The following INPP4B variants were observed in gnomAD, a reference collection of about 807,000 sequenced individuals.
INPP4B encodes inositol polyphosphate 4-phosphatase type II.
INPP4B carries 55 observed loss-of-function variants against 122.5 expected under a neutral mutation model. The ratio of observed to expected loss-of-function variants is 0.45; its 90% CI spans 0.36 to 0.56. INPP4B has a LOEUF of 0.56. Ranked by LOEUF, INPP4B falls within the 20% of genes least tolerant of loss-of-function variation. The probability of loss-of-function intolerance (pLI) is 0.00; values close to 1 mark genes in which losing one functional copy is unlikely to be tolerated. For missense variants in INPP4B, 1,000 were observed against 1,097.7 expected, an observed-to-expected ratio of 0.91 and a Z score of 1.26; for synonymous variants, 403 against 388.7, an observed-to-expected ratio of 1.04 and a Z score of -0.43.
intron 15 of INPP4B, among the ~76,000 whole-genome samples, chr4:142,191,801 C>G (rs1835946095): frequency 6.6e-6 from 1 of 151,498 alleles, no homozygotes; most frequent in Non-Finnish European, 1.5e-5. Flanking sequence ...AAAAAGCAAA[C>G]AAAAATGAAC....
Position 142,579,480 on chromosome 4 carries a change from T to C in INPP4B, c.-190-116754A>G, listed in dbSNP as rs1734542629. On this transcript the variant is annotated intron_variant, in intron 2 of 25. Transcript: ENST00000262992. ...AGTTAAATATTATTCTGGGTGTTTCTATACAGCTGGCTTTTGATGAGATTA... is the reference window on the plus strand; with the variant it reads ...AGTTAAATATTATTCTGGGTGTTTCCATACAGCTGGCTTTTGATGAGATTA... 2.6e-5 allele frequency among the ~76,000 whole-genome samples: 4 copies of C among 152,042 alleles called. No individual in the cohort carries two copies. In the South Asian group the frequency reaches 8.3e-4, roughly 31 times the overall value.
chr4:142,824,962 A>T (rs1411310051), intron 1 of INPP4B, among the ~76,000 whole-genome samples: 1 of 152,054 alleles, frequency 6.6e-6, no homozygotes, highest in Non-Finnish European at 1.5e-5. Context: ...CTTTGGCACT[A>T]GAGAATTTAA....
intron 7 of INPP4B, among the ~76,000 whole-genome samples, chr4:142,318,184 C>A (rs2151377372): frequency 6.6e-6 from 1 of 151,338 alleles, no homozygotes; most frequent in East Asian, 2.0e-4. Context: ...AGTACGTGAC[C>A]CAGAGAGAGA....
chr4:142,252,263 A>C (rs1239669809), intron 11 of INPP4B, among the ~76,000 whole-genome samples: 2 of 141,154 alleles, frequency 1.4e-5, no homozygotes, highest in African/African-American at 5.4e-5. Flanking sequence ...ATCTCGGCTC[A>C]CTGCAAGCTC....
chr4:142,257,493 C>T, intron 11 of INPP4B, among the ~76,000 whole-genome samples: 1 of 152,082 alleles, frequency 6.6e-6, no homozygotes, highest in East Asian at 1.9e-4. Flanking sequence ...AGCTGATAAG[C>T]AACTTCAGCA....
chr4:142,773,891 T>G (rs1489387306), intron 1 of INPP4B, among the ~76,000 whole-genome samples: 1 of 152,150 alleles, frequency 6.6e-6, no homozygotes, highest in East Asian at 1.9e-4. Context: ...TGGATAACAG[T>G]AGCGCTGCCT....
At chr4:142,124,440 T>C (rs764473859) in intron 19 of INPP4B, 148 bp downstream of exon 19, 19 of 671,148 alleles carry the variant, frequency 2.8e-5, no homozygotes, top group Non-Finnish European at 2.3e-5. Flanking sequence ...TCAGCTGATA[T>C]TTATCGTGAA....
At chr4:142,567,830 C>T (rs1322522194) in intron 2 of INPP4B, among the ~76,000 whole-genome samples, 2 of 152,026 alleles carry the variant, frequency 1.3e-5, no homozygotes, top group African/African-American at 2.4e-5. Flanking sequence ...TACTTACGCT[C>T]CTGTAAATGA....
intron 2 of INPP4B, among the ~76,000 whole-genome samples, chr4:142,525,894 C>G (rs1249795810): frequency 6.6e-6 from 1 of 151,766 alleles, no homozygotes; most frequent in East Asian, 1.9e-4. Flanking sequence ...CAAATGGGAT[C>G]TAATTAAACT....
At chr4:142,772,056 C>A (rs1409017097) in intron 1 of INPP4B, among the ~76,000 whole-genome samples, 2 of 151,992 alleles carry the variant, frequency 1.3e-5, no homozygotes, top group African/African-American at 4.8e-5. Flanking sequence ...GTTTGTGATT[C>A]TAATTAGACA....
intron 23 of INPP4B, among the ~76,000 whole-genome samples, chr4:142,087,910 C>A (rs1777600688): frequency 6.6e-6 from 1 of 152,010 alleles, no homozygotes; most frequent in African/African-American, 2.4e-5. Flanking sequence ...GATTTTATGA[C>A]CACAGAATAG....
rs1238610558 is a variant in INPP4B, at chr4:142,622,035, G to A, written c.-191+103804C>T. Among the ~76,000 whole-genome samples, 3 of 151,814 alleles carry A rather than the reference G, an allele frequency of 2.0e-5. No individual in the cohort carries two copies. The East Asian group carries it at 5.8e-4, about 29-fold the overall frequency. ...TTGAGATCTGGACCCAAACATTCTG[G>A]TTCTAAAGTCCATGTGCTTAAACAG... On this transcript the variant is annotated intron_variant, in intron 2 of 25. Transcript: ENST00000262992.
intron 7 of INPP4B, chr4:142,317,333 A>C (rs1768109716): frequency 2.7e-6 from 1 of 366,860 alleles, no homozygotes; most frequent in Non-Finnish European, 5.5e-6. Flanking sequence ...TTTACATGAA[A>C]ATGGGAAATG....
At chr4:142,465,834 G>A (rs1817657345) in intron 2 of INPP4B, among the ~76,000 whole-genome samples, 1 of 152,074 alleles carries the variant, frequency 6.6e-6, no homozygotes, top group East Asian at 1.9e-4. Context: ...AAAAGAGTGT[G>A]ACAGCTCCTC....
chr4:142,078,737 T>G (rs1236590557), intron 25 of INPP4B, among the ~76,000 whole-genome samples: 1 of 152,008 alleles, frequency 6.6e-6, no homozygotes, highest in East Asian at 1.9e-4. Flanking sequence ...AAAATAAAAC[T>G]AAATAAAGAG....
chr4:142,364,106 C>G (rs1786525513), intron 7 of INPP4B, among the ~76,000 whole-genome samples: 1 of 151,974 alleles, frequency 6.6e-6, no homozygotes, highest in African/African-American at 2.4e-5. Flanking sequence ...TATTTCTGTG[C>G]TTGGGAATAT....
intron 12 of INPP4B, among the ~76,000 whole-genome samples, chr4:142,228,754 A>T (rs920462005): frequency 5.3e-5 from 8 of 151,836 alleles, no homozygotes; most frequent in Non-Finnish European, 1.2e-4. Flanking sequence ...ATATTTGAAA[A>T]ATATATATCA....
chr4:142,221,466 A>G (rs921791033), intron 12 of INPP4B, among the ~76,000 whole-genome samples: 1 of 151,692 alleles, frequency 6.6e-6, no homozygotes, highest in Non-Finnish European at 1.5e-5. Flanking sequence ...GAGAACATCT[A>G]TCTTGACATT....
At chr4:142,714,104 C>A (rs1373034) in intron 2 of INPP4B, among the ~76,000 whole-genome samples, 116,345 of 152,174 alleles carry the variant, frequency 0.76, 44,710 homozygotes, top group East Asian at 0.84. Context: ...GTGCATCATA[C>A]AATTACATCA....
Sources: gnomAD v4.1 joint callset for allele counts (sites outside exome capture counted in the v4.1 genomes callset) on GRCh38, gnomAD v4.1.1 for gene constraint, MANE v1.5 for transcripts, NCBI Gene and HGNC (gene_info 2026-07-23, HGNC 2026-07-21) for gene names.